MYH6: variants seen among roughly 807,000 people sequenced by gnomAD.
The protein encoded by MYH6 is myosin heavy chain 6, also known as myosin-6.
Under a neutral mutation model 223.2 loss-of-function variants are expected in MYH6, and 126 were observed. The ratio of observed to expected loss-of-function variants is 0.56; its 90% CI spans 0.49 to 0.65. The LOEUF (loss-of-function observed/expected upper bound fraction) is 0.65, where lower values mean the gene tolerates loss of function less well. MYH6 is among the 30% of genes least tolerant of loss of function. The probability of loss-of-function intolerance (pLI) is 0.00; values close to 1 mark genes in which losing one functional copy is unlikely to be tolerated. For synonymous variants in MYH6, 978 were observed against 1,010.2 expected (o/e 0.97, Z 0.61); for missense variants, 2,040 against 2,536.4 (o/e 0.80, Z 4.20).
At chr14:23,389,861 T>G in intron 26 of MYH6, 142 bp from the exon 27 acceptor site, 1 of 1,527,328 alleles carries the variant, frequency 6.5e-7, no homozygotes, top group Non-Finnish European at 9.0e-7. Flanking sequence ...AAGAGAGACT[T>G]GAATTAAAGA....
rs1040690941 is a variant in MYH6 at position 23,397,959 on chromosome 14, T to C, written c.1892-346A>G. On this transcript the variant is annotated intron_variant, in intron 15 of 38. Transcript: ENST00000405093. ...CTTCTTCTTCTTCTTCTTCTTCTTC[T>C]TCTTCTTCTTCTTCTTCTTCTTCTT... Among the ~76,000 whole-genome samples, 532 of 114,536 alleles carry C rather than the reference T, an allele frequency of 4.6e-3. 10 individuals are homozygous for C. The highest frequency in any genetic ancestry group is 0.015 in the African/African-American group (407 of 27,388). The allele number at this position is 114,536 out of a possible 152,430, so 75.1% of individuals were successfully genotyped here.
chr14:23,398,962 G>A lies in MYH6; in HGVS notation c.1657C>T (p.Leu553=), dbSNP rs1891516030. The A allele has an allele frequency of 6.2e-7, 1 of 1,614,148 alleles. No individual in the cohort carries two copies. Among genetic ancestry groups the A allele is most frequent in the South Asian group, 1.1e-5 (1 of 91,086 alleles). Residue 553 remains leucine (L), a synonymous_variant, in exon 15 of 39, where the codon CTG becomes TTG. Transcript: ENST00000405093. ...GACTTGCCCAGGTGGTTGTCGTACA[G>A]CTTGGCCTTGAAGGTCATGTCAGTG... ...KATDMTFKAK[L]YDNHLGKSNN...
intron 23 of MYH6, 25 bp from the exon 24 acceptor site, chr14:23,393,082 A>G (rs776517496): frequency 5.0e-6 from 8 of 1,614,072 alleles, no homozygotes; most frequent in South Asian, 3.3e-5. Flanking sequence ...AAAATAAGCA[A>G]AGTGTGGAAA....
intron 14 of MYH6, 100 bp from the exon 15 acceptor site, chr14:23,399,137 CGCTGGCCTGCTG>C: frequency 7.0e-7 from 1 of 1,435,568 alleles, no homozygotes; most frequent in African/African-American, 1.4e-5. Context: ...GAGCCAGTAG[CGCTGGCCTGCTG>C]AAGGGGCGCT....
At chr14:23,387,160 A>G (rs1290644290) in intron 32 of MYH6, among the ~76,000 whole-genome samples, 2 of 152,228 alleles carry the variant, frequency 1.3e-5, no homozygotes. Context: ...AAACTGAGGC[A>G]GAGAGAGATT....
At position 23,397,248 on chromosome 14, in the gene MYH6, T is replaced by C; in HGVS notation, c.1972A>G (p.Asn658Asp). ...GTCCTCAGGTTGGTCATTAGCTTGT[T>C]GAGATTTTCCTGGAGGCAGATGAAG... ...TVSALHRENL[N>D]KLMTNLRTTH... Residue 658 changes from asparagine (N) to aspartate (D), a missense_variant, in exon 17 of 39, where the codon AAC becomes GAC. Transcript: ENST00000405093. 6.2e-7 allele frequency: 1 copy of C among 1,614,026 alleles called. No individual in the cohort carries two copies.
At position 23,387,164 on chromosome 14, in the gene MYH6, A is replaced by G. The variant is rs117881927; in HGVS notation, c.4650+365T>C. 2.4e-4 allele frequency among the ~76,000 whole-genome samples: 37 copies of G among 152,326 alleles called. No homozygotes were observed. The East Asian group carries it at 6.2e-3, about 25-fold the overall frequency. On this transcript the variant is annotated intron_variant, in intron 32 of 38. Transcript: ENST00000405093. ...TACAGATGAGAAAACTGAGGCAGAG[A>G]GAGATTAAAGATTTTGCCCAACGCT...
chr14:23,399,133 G>T, intron 14 of MYH6, 96 bp from the exon 15 acceptor site: 1 of 1,480,200 alleles, frequency 6.8e-7, no homozygotes, highest in East Asian at 2.3e-5. Flanking sequence ...TCTGGAGCCA[G>T]TAGCGCTGGC....
intron 25 of MYH6, 57 bp from the exon 26 acceptor site, chr14:23,390,503 C>T: frequency 1.3e-6 from 2 of 1,589,958 alleles, no homozygotes; most frequent in Admixed American, 1.8e-5. Context: ...CTGGAATCCC[C>T]CCGGCTCTGA....
At chr14:23,394,352 G>A in intron 20 of MYH6, 29 bp from the exon 21 acceptor site, 4 of 1,613,838 alleles carry the variant, frequency 2.5e-6, no homozygotes, top group Middle Eastern at 1.7e-4. Context: ...GGCAGGGTGG[G>A]GCACTATAAA....
chr14:23,400,625 T>G, intron 13 of MYH6, 84 bp downstream of exon 13: 1 of 1,608,330 alleles, frequency 6.2e-7, no homozygotes, highest in Admixed American at 1.7e-5. Context: ...CCATGTCTGG[T>G]CCACAGCTGG....
chr14:23,398,246 G>A (rs1471821286), intron 15 of MYH6, among the ~76,000 whole-genome samples: 4 of 152,012 alleles, frequency 2.6e-5, no homozygotes, highest in Non-Finnish European at 4.4e-5. Context: ...TCGAACTCCT[G>A]ACCTTGTGAT....
At chr14:23,404,689 G>T in intron 7 of MYH6, 22 bp downstream of exon 7, 1 of 1,608,300 alleles carries the variant, frequency 6.2e-7, no homozygotes, top group South Asian at 1.1e-5. Flanking sequence ...CTGTTCTGCC[G>T]AGCCTGTGTC....
At chr14:23,406,756 A>G (rs1215381588) in intron 3 of MYH6, among the ~76,000 whole-genome samples, 3 of 152,162 alleles carry the variant, frequency 2.0e-5, no homozygotes, top group African/African-American at 7.2e-5. Context: ...CTTTATCTAC[A>G]AGACCCCTCT....
intron 12 of MYH6, 131 bp downstream of exon 12, chr14:23,402,333 G>A (rs1384453620): frequency 1.6e-5 from 22 of 1,403,800 alleles, no homozygotes; most frequent in Middle Eastern, 2.6e-4. Flanking sequence ...CGTCTCCCAC[G>A]TCCCTGTCCC....
intron 36 of MYH6, 21 bp from the exon 37 acceptor site, chr14:23,383,341 G>GGGGGGGCGCCCCCCCCCCCC: frequency 1.8e-6 from 1 of 556,582 alleles, no homozygotes; most frequent in Non-Finnish European, 3.3e-6. Context: ...GAGGGTGGGA[G>GGGGGGGCGCCCCCCCCCCCC]AAGCTGGTTT....
Position 23,407,517 on chromosome 14 carries a change from TCCGGCTCCCAGGAGAAGCATGCC to T in MYH6, c.-14+36_-14+58del, listed in dbSNP as rs1891827307. 5 of 1,311,550 alleles carry T rather than the reference TCCGGCTCCCAGGAGAAGCATGCC, an allele frequency of 3.8e-6. No individual in the cohort carries two copies. Among genetic ancestry groups the T allele is most frequent in the African/African-American group, 1.5e-5 (1 of 66,982 alleles). The allele number at this position is 1,311,550 out of a possible 1,614,324, so 81.2% of individuals were successfully genotyped here. Reference sequence around the variant, plus strand: ...GGACAGCAGACCCCTGGTCCAGCAATCCGGCTCCCAGGAGAAGCATGCCCCAGTCTCTGCAGAGAAAATGGGGG... The same window carrying T: ...GGACAGCAGACCCCTGGTCCAGCAATCCAGTCTCTGCAGAGAAAATGGGGG... On this transcript the variant is annotated intron_variant, in intron 2 of 38. Coordinates refer to ENST00000405093, the MANE Select transcript of MYH6 (RefSeq NM_002471.4). The surrounding 1 kb of genome is among the most constrained non-coding windows in gnomAD (Gnocchi z 5.6).
At chr14:23,383,443 C>T in intron 36 of MYH6, 123 bp from the exon 37 acceptor site, 2 of 756,592 alleles carry the variant, frequency 2.6e-6, no homozygotes, top group Non-Finnish European at 2.2e-6. Flanking sequence ...TGATCCAGGT[C>T]AAAGAGGTGG....
intron 14 of MYH6, chr14:23,399,736 G>A (rs972597424): frequency 1.1e-5 from 2 of 190,084 alleles, no homozygotes; most frequent in Non-Finnish European, 2.2e-5. Context: ...TGAAGGCCGT[G>A]GCTGGGCTGG....
Sources: gnomAD v4.1 joint callset for allele counts (sites outside exome capture counted in the v4.1 genomes callset) on GRCh38, gnomAD v4.1.1 for gene constraint, Gnocchi (gnomAD v3.1) non-coding constraint, MANE v1.5 for transcripts, NCBI Gene and HGNC (gene_info 2026-07-23, HGNC 2026-07-21) for gene names.